DTNA: variants seen among roughly 807,000 people sequenced by gnomAD.
DTNA encodes dystrobrevin alpha, also known as dystrophin-related protein 3.
In DTNA, 43 loss-of-function variants were observed where a neutral mutation model predicts 100.7. That is an observed-to-expected ratio of 0.43 (90% CI 0.33 to 0.55). DTNA has a LOEUF of 0.55. Ranked by LOEUF, DTNA falls within the 20% of genes least tolerant of loss-of-function variation. The pLI, the probability that DTNA is intolerant of heterozygous loss-of-function variation, is 0.04. For missense variants in DTNA, 798 were observed against 953.9 expected, an observed-to-expected ratio of 0.84 and a Z score of 2.15; for synonymous variants, 349 against 347.9, an observed-to-expected ratio of 1.00 and a Z score of -0.04.
At chr18:34,818,411 A>C (rs2095640825) in intron 8 of DTNA, 81 bp downstream of exon 8, 2 of 1,564,868 alleles carry the variant, frequency 1.3e-6, no homozygotes, top group Non-Finnish European at 1.7e-6. Flanking sequence ...GGATGGTGGC[A>C]GAATTAAAGG....
intron 3 of DTNA, among the ~76,000 whole-genome samples, chr18:34,768,356 A>C (rs574450394): frequency 1.3e-5 from 2 of 152,304 alleles, no homozygotes; most frequent in East Asian, 3.9e-4. Context: ...AGAAAGGAAA[A>C]GGAAAAGGAA....
At chr18:34,623,313 G>A (rs73412433) in intron 1 of DTNA, among the ~76,000 whole-genome samples, 3 of 152,238 alleles carry the variant, frequency 2.0e-5, no homozygotes, top group Non-Finnish European at 2.9e-5. Context: ...CTGAGAGGCT[G>A]TAATAAACCT....
chr18:34,778,785 A>G (rs2094179371), intron 3 of DTNA, among the ~76,000 whole-genome samples: 1 of 147,742 alleles, frequency 6.8e-6, no homozygotes, highest in Non-Finnish European at 1.5e-5. Flanking sequence ...TTGTAAAATA[A>G]AAGCTATATA....
Position 34,781,115 on chromosome 18 carries a change from G to A in DTNA, c.149-12922G>A, listed in dbSNP as rs141453280. Among the ~76,000 whole-genome samples, 13 of 152,336 alleles carry A rather than the reference G, an allele frequency of 8.5e-5. No homozygotes were observed. The East Asian group carries it at 1.2e-3, about 14-fold the overall frequency. ...TTAAAATCTGTGTGGTACCAGTCAC[G>A]TGTGCAGGGGCAGGAGAAAGAGGCA... On this transcript the variant is annotated intron_variant, in intron 3 of 22. Coordinates refer to ENST00000444659, the MANE Select transcript of DTNA (RefSeq NM_001386795.1).
At chr18:34,854,283 C>A (rs2096526732) in intron 15 of DTNA, among the ~76,000 whole-genome samples, 1 of 152,194 alleles carries the variant, frequency 6.6e-6, no homozygotes, top group Non-Finnish European at 1.5e-5. Context: ...TCCAAAGTTT[C>A]AGCTTTTTTG....
chr18:34,549,968 A>G (rs528885129), intron 1 of DTNA, among the ~76,000 whole-genome samples: 3 of 152,228 alleles, frequency 2.0e-5, no homozygotes, highest in South Asian at 4.1e-4. Flanking sequence ...TAGAGTAACT[A>G]TTATCTGAAT....
At position 34,890,557 on chromosome 18, in the gene DTNA, C is replaced by T; in HGVS notation, c.*2823C>T. The T allele has an allele frequency of 6.9e-7, 1 of 1,446,594 alleles. No individual in the cohort carries two copies. Among genetic ancestry groups the T allele is most frequent in the Non-Finnish European group, 9.3e-7 (1 of 1,080,914 alleles). 89.6% of individuals were successfully genotyped at this position (1,446,594 alleles called of 1,614,324 possible). A position where few individuals can be genotyped will look rare whatever the true frequency, so the allele number is the denominator to read the frequency against. On this transcript the variant is annotated 3_prime_UTR_variant, in exon 23 of 23. Transcript: ENST00000444659. ...CATCCATCTCCATCAGAGCTGATAG[C>T]CTGTTAATAAGCACTGGTCTAACAC...
At chr18:34,854,496 A>T (rs1022762657) in intron 15 of DTNA, among the ~76,000 whole-genome samples, 1 of 152,224 alleles carries the variant, frequency 6.6e-6, no homozygotes, top group African/African-American at 2.4e-5. Flanking sequence ...GAAAGAGCTA[A>T]AGAAGAAAGG....
At chr18:34,757,816 T>C (rs2092882681) in intron 2 of DTNA, among the ~76,000 whole-genome samples, 1 of 152,220 alleles carries the variant, frequency 6.6e-6, no homozygotes, top group South Asian at 2.1e-4. Context: ...GTCTTGCAGC[T>C]TTATTAGTTC....
At chr18:34,678,766 T>C (rs1250638386) in intron 1 of DTNA, among the ~76,000 whole-genome samples, 6 of 152,088 alleles carry the variant, frequency 3.9e-5, no homozygotes, top group Non-Finnish European at 8.8e-5. Flanking sequence ...CTAGAGCTTG[T>C]CTCTTTCAGT....
intron 1 of DTNA, among the ~76,000 whole-genome samples, chr18:34,624,334 C>G (rs1230319656): frequency 6.6e-6 from 1 of 152,106 alleles, no homozygotes; most frequent in African/African-American, 2.4e-5. Flanking sequence ...AACTGAGTAA[C>G]ACATTGATAT....
At chr18:34,828,854 AT>A (rs952575998) in intron 10 of DTNA, among the ~76,000 whole-genome samples, 85 of 150,044 alleles carry the variant, frequency 5.7e-4, no homozygotes, top group Middle Eastern at 3.5e-3. Flanking sequence ...AAATGCAACC[AT>A]TTTTTTTTTC....
intron 20 of DTNA, among the ~76,000 whole-genome samples, chr18:34,881,437 C>CTTTTTTTTTTTTTTTTTTTTT (rs752828928): frequency 3.9e-5 from 2 of 51,384 alleles, no homozygotes; most frequent in African/African-American, 8.4e-5. Flanking sequence ...AATTAAAATG[C>CTTTTTTTTTTTTTTTTTTTTT]TTTTTTTTTT....
chr18:34,821,830 A>G (rs2095729941), intron 9 of DTNA, among the ~76,000 whole-genome samples: 1 of 152,190 alleles, frequency 6.6e-6, no homozygotes, highest in Non-Finnish European at 1.5e-5. Context: ...GAATTCAACA[A>G]TGCAAAGTTC....
chr18:34,782,115 A>T (rs1230637504), intron 3 of DTNA, among the ~76,000 whole-genome samples: 1 of 152,220 alleles, frequency 6.6e-6, no homozygotes, highest in African/African-American at 2.4e-5. Flanking sequence ...GCTTCTAAAG[A>T]TTATGTGTAA....
intron 8 of DTNA, among the ~76,000 whole-genome samples, chr18:34,819,977 T>G (rs2097678579): frequency 6.8e-6 from 1 of 146,210 alleles, no homozygotes; most frequent in African/African-American, 2.5e-5. Context: ...GCAATTGCGG[T>G]TTTTGCCATT....
At chr18:34,653,514 A>G (rs1045490225) in intron 1 of DTNA, among the ~76,000 whole-genome samples, 11 of 152,076 alleles carry the variant, frequency 7.2e-5, no homozygotes, top group Non-Finnish European at 1.3e-4. Flanking sequence ...ACTTAACACT[A>G]AAGAGTTTTT....
chr18:34,628,569 C>T (rs1260888417), intron 1 of DTNA, among the ~76,000 whole-genome samples: 4 of 152,136 alleles, frequency 2.6e-5, no homozygotes, highest in Non-Finnish European at 5.9e-5. Context: ...TTGCTTGATG[C>T]CTTTTCAAAG....
At chr18:34,579,628 T>C (rs576560596) in intron 1 of DTNA, among the ~76,000 whole-genome samples, 9 of 152,336 alleles carry the variant, frequency 5.9e-5, no homozygotes, top group South Asian at 2.1e-4. Flanking sequence ...AATATTTTAG[T>C]TGAAAACTCA....
Sources: allele counts gnomAD v4.1 joint callset (sites outside exome capture counted in the v4.1 genomes callset), GRCh38; gene constraint gnomAD v4.1.1; transcripts MANE v1.5; gene names NCBI Gene and HGNC (gene_info 2026-07-23, HGNC 2026-07-21).